Variants in NRXN3 observed in about 807,000 individuals in gnomAD.
NRXN3 encodes the protein neurexin III.
NRXN3 carries 32 observed loss-of-function variants against 137.6 expected under a neutral mutation model. That is an observed-to-expected ratio of 0.23 (90% confidence interval 0.18 to 0.31). NRXN3 has a LOEUF of 0.31. NRXN3 is among the 10% of genes least tolerant of loss of function. The pLI is 1.00. For missense variants in NRXN3, 1,574 were observed against 2,062.5 expected (o/e 0.76, Z 4.59); for synonymous variants, 798 against 784.5 (o/e 1.02, Z -0.29).
chr14:78,831,534 CAAAAAA>C (rs372852083), intron 10 of NRXN3, among the ~76,000 whole-genome samples: 2 of 58,200 alleles, frequency 3.4e-5, no homozygotes, highest in Non-Finnish European at 5.4e-5. Flanking sequence ...GACTCCATGT[CAAAAAA>C]AAAAAAAAAA....
At chr14:79,775,908 C>T (rs921213931) in intron 19 of NRXN3, among the ~76,000 whole-genome samples, 3 of 152,196 alleles carry the variant, frequency 2.0e-5, no homozygotes, top group Admixed American at 2.0e-4. Context: ...CCTCACATAA[C>T]TTGTCCTAGA....
chr14:78,498,492 T>C (rs1187311794), intron 4 of NRXN3, among the ~76,000 whole-genome samples: 1 of 152,164 alleles, frequency 6.6e-6, no homozygotes, highest in East Asian at 1.9e-4. Context: ...GAGTTTAACC[T>C]TGGGCAGACA....
At chr14:78,542,423 C>G (rs1007519105) in intron 4 of NRXN3, among the ~76,000 whole-genome samples, 2 of 152,236 alleles carry the variant, frequency 1.3e-5, no homozygotes, top group African/African-American at 4.8e-5. Context: ...GCCAGGCTGC[C>G]ACCTTGCAGT....
In NRXN3 at chr14:78,240,477, T is replaced by C. The variant is rs924131524; in HGVS notation, c.-703-1914T>C. Among the ~76,000 whole-genome samples, 11 of 152,162 alleles carry C rather than the reference T, an allele frequency of 7.2e-5. 1 individual carries two copies. The highest frequency in any genetic ancestry group is 3.2e-3 in the Middle Eastern group (1 of 316). ...GAAGGTTGCCAGATAGGGACTGTTA[T>C]GGGGAGGGTGCTAAGTAAATATGCT... On this transcript the variant is annotated intron_variant, in intron 1 of 20. Coordinates refer to ENST00000335750, the MANE Select transcript of NRXN3 (RefSeq NM_001330195.2).
At chr14:78,176,378 G>GT (rs35762018) in intron 1 of NRXN3, among the ~76,000 whole-genome samples, 2,606 of 140,038 alleles carry the variant, frequency 0.019, 29 homozygotes, top group Middle Eastern at 0.029. Flanking sequence ...TCTCTTCCAA[G>GT]TTTTTTTTTT....
intron 19 of NRXN3, among the ~76,000 whole-genome samples, chr14:79,699,141 C>G (rs1033345319): frequency 6.6e-5 from 10 of 152,048 alleles, no homozygotes; most frequent in South Asian, 2.1e-4. Context: ...TAGCATAGTA[C>G]TGTTACCGTC....
At chr14:78,304,528 A>G (rs556633469) in intron 4 of NRXN3, among the ~76,000 whole-genome samples, 1 of 152,310 alleles carries the variant, frequency 6.6e-6, no homozygotes, top group East Asian at 1.9e-4. Context: ...GACTTCAGCA[A>G]CCAGCCTTGG....
At chr14:78,433,514 G>C (rs2093962007) in intron 4 of NRXN3, among the ~76,000 whole-genome samples, 1 of 152,178 alleles carries the variant, frequency 6.6e-6, no homozygotes, top group Non-Finnish European at 1.5e-5. Context: ...CAATGTGAGA[G>C]TTGGGACCTT....
intron 15 of NRXN3, among the ~76,000 whole-genome samples, chr14:79,462,932 T>TGTACATACAC (rs2096371942): frequency 3.3e-5 from 1 of 30,536 alleles, no homozygotes; most frequent in African/African-American, 3.2e-4. Context: ...ATGTATATAT[T>TGTACATACAC]ATTTGTATAT....
chr14:79,197,110 T>C (rs1171217758), intron 15 of NRXN3, among the ~76,000 whole-genome samples: 2 of 152,306 alleles, frequency 1.3e-5, no homozygotes, highest in East Asian at 3.9e-4. Flanking sequence ...TTTCTACAGG[T>C]TAATTTTGGC....
In NRXN3 at chr14:79,127,771, T is replaced by A. The variant is rs1175491595; in HGVS notation, c.3262+139630T>A. ...AATCTGTAAATTACCTTGGGCAGTA[T>A]GGCCATTTTCACGATATTGATTCTT... is the stretch of plus-strand genomic sequence containing the variant. On this transcript the variant is annotated intron_variant, in intron 15 of 20. Transcript: ENST00000335750. Among the ~76,000 whole-genome samples, 12 of 152,306 alleles carry A rather than the reference T, an allele frequency of 7.9e-5. No individual in the cohort carries two copies. The East Asian group carries it at 2.3e-3, about 29-fold the overall frequency.
At chr14:78,404,151 G>C (rs569475312) in intron 4 of NRXN3, among the ~76,000 whole-genome samples, 1 of 151,260 alleles carries the variant, frequency 6.6e-6, no homozygotes, top group African/African-American at 2.4e-5. Flanking sequence ...GCCGATGCCT[G>C]GCCCCAGAAC....
At chr14:79,477,332 A>C (rs894557564) in intron 16 of NRXN3, among the ~76,000 whole-genome samples, 52 of 152,250 alleles carry the variant, frequency 3.4e-4, no homozygotes, top group African/African-American at 1.2e-3. Context: ...ATTTAGGGGC[A>C]ATTGGTCTCT....
At chr14:79,827,439 A>G (rs757972376) in intron 20 of NRXN3, among the ~76,000 whole-genome samples, 1 of 152,230 alleles carries the variant, frequency 6.6e-6, no homozygotes, top group Non-Finnish European at 1.5e-5. Flanking sequence ...ACTGTCTCAC[A>G]GGATTTTGTC....
At chr14:78,337,003 T>G (rs57985933) in intron 4 of NRXN3, among the ~76,000 whole-genome samples, 5,495 of 152,268 alleles carry the variant, frequency 0.036, 278 homozygotes, top group African/African-American at 0.12. Context: ...AATTTCTAAT[T>G]TTTTAGAATT....
chr14:78,942,070 G>C (rs1470584219), intron 10 of NRXN3, among the ~76,000 whole-genome samples: 1 of 152,216 alleles, frequency 6.6e-6, no homozygotes, highest in Non-Finnish European at 1.5e-5. Flanking sequence ...CGTCTTAATG[G>C]AAAGTGTGAT....
intron 17 of NRXN3, among the ~76,000 whole-genome samples, chr14:79,665,723 G>C (rs532816644): frequency 3.3e-5 from 5 of 152,086 alleles, no homozygotes; most frequent in South Asian, 4.1e-4. Context: ...CAATGAGCAG[G>C]CTCTTTAATG....
intron 19 of NRXN3, among the ~76,000 whole-genome samples, chr14:79,743,108 C>T (rs1277165355): frequency 6.6e-6 from 1 of 152,034 alleles, no homozygotes; most frequent in East Asian, 1.9e-4. Context: ...GGTGATGAGT[C>T]CACGGAGGTT....
chr14:78,667,505 G>A (rs918488687), intron 6 of NRXN3, among the ~76,000 whole-genome samples: 1 of 152,140 alleles, frequency 6.6e-6, no homozygotes, highest in Admixed American at 6.5e-5. Flanking sequence ...CAGCAATGCT[G>A]TATATAATAT....
Sources: allele counts gnomAD v4.1 joint callset (sites outside exome capture counted in the v4.1 genomes callset), GRCh38; gene constraint gnomAD v4.1.1; transcripts MANE v1.5; gene names NCBI Gene and HGNC (gene_info 2026-07-23, HGNC 2026-07-21).